The following GAB1 variants were observed in gnomAD, a reference collection of about 807,000 sequenced individuals.
GAB1 encodes GRB2 associated binding protein 1, also known as GRB2-associated-binding protein 1.
A neutral mutation model predicts 66.5 loss-of-function variants in GAB1; 19 were observed. The observed-to-expected ratio is 0.29, with a 90% CI of 0.20 to 0.42. The LOEUF (loss-of-function observed/expected upper bound fraction) is 0.42, where lower values mean the gene tolerates loss of function less well. Among genes scored for constraint, GAB1 ranks in the 10% least tolerant of loss-of-function variants. The probability of loss-of-function intolerance (pLI) is 1.00; values close to 1 mark genes in which losing one functional copy is unlikely to be tolerated. For synonymous variants in GAB1, 294 were observed against 301.4 expected, an observed-to-expected ratio of 0.98 and a Z score of 0.25; for missense variants, 732 against 858.5, an observed-to-expected ratio of 0.85 and a Z score of 1.84.
intron 2 of GAB1, chr4:143,424,762 C>A: frequency 4.3e-6 from 1 of 232,626 alleles, no homozygotes; most frequent in Non-Finnish European, 8.5e-6. Flanking sequence ...TGAGATCATC[C>A]TGGCCAACAT....
chr4:143,375,588 C>T (rs534679980), intron 1 of GAB1, among the ~76,000 whole-genome samples: 4 of 152,306 alleles, frequency 2.6e-5, no homozygotes, highest in East Asian at 1.9e-4. Flanking sequence ...TGTGAATAAA[C>T]GCTGTTGCTT....
At chr4:143,406,594 T>C (rs1030697950) in intron 1 of GAB1, among the ~76,000 whole-genome samples, 1 of 152,178 alleles carries the variant, frequency 6.6e-6, no homozygotes, top group African/African-American at 2.4e-5. Flanking sequence ...TGTGTCCCGA[T>C]TTTCCTCTGC....
intron 6 of GAB1, among the ~76,000 whole-genome samples, chr4:143,456,803 A>G (rs375338903): frequency 6.6e-6 from 1 of 152,348 alleles, no homozygotes; most frequent in African/African-American, 2.4e-5. Context: ...AAGAAAATTT[A>G]GTGCCACTAA....
intron 1 of GAB1, among the ~76,000 whole-genome samples, chr4:143,409,610 C>G (rs1300656379): frequency 6.6e-6 from 1 of 151,794 alleles, no homozygotes; most frequent in Admixed American, 6.6e-5. Flanking sequence ...ATAGACTGTT[C>G]CAATCTATTC....
intron 6 of GAB1, among the ~76,000 whole-genome samples, chr4:143,444,579 T>C (rs1734411800): frequency 6.6e-6 from 1 of 152,206 alleles, no homozygotes; most frequent in Admixed American, 6.5e-5. Flanking sequence ...GATTAAAAAT[T>C]AACATGCACT....
chr4:143,441,924 A>T (rs763602702), intron 6 of GAB1, among the ~76,000 whole-genome samples: 1 of 152,178 alleles, frequency 6.6e-6, no homozygotes, highest in African/African-American at 2.4e-5. Context: ...TGATTGGTCT[A>T]TGTGTGTCAC....
chr4:143,360,736 C>A (rs1405863289), intron 1 of GAB1, among the ~76,000 whole-genome samples: 1 of 152,048 alleles, frequency 6.6e-6, no homozygotes, highest in Admixed American at 6.6e-5. Context: ...ACTTCTGCGG[C>A]AATTTTGGTC....
intron 6 of GAB1, among the ~76,000 whole-genome samples, chr4:143,441,137 C>T (rs912199729): frequency 6.6e-6 from 1 of 151,966 alleles, no homozygotes; most frequent in African/African-American, 2.4e-5. Flanking sequence ...TCTAAGGTAA[C>T]ATAGTTTGTT....
Position 143,438,601 on chromosome 4 carries a change from G to A in GAB1, c.1195+1G>A. On this transcript the variant is annotated splice_donor_variant, in intron 4 of 9. Coordinates refer to ENST00000262994, the MANE Select transcript of GAB1 (RefSeq NM_002039.4). LOFTEE classifies it high-confidence loss of function. ...GTGGATTTAAACAAATTGCGAAAAG[G>A]TCAGCTCTAGTTGACTTCTTCTCTA... is the stretch of plus-strand genomic sequence containing the variant. 6.2e-7 allele frequency: 1 copy of A among 1,611,474 alleles called. No individual in the cohort carries two copies. The highest frequency in any genetic ancestry group is 1.3e-5 in the African/African-American group (1 of 74,954).
At chr4:143,420,613 C>T (rs192456757) in intron 2 of GAB1, among the ~76,000 whole-genome samples, 1 of 152,140 alleles carries the variant, frequency 6.6e-6, no homozygotes, top group African/African-American at 2.4e-5. Flanking sequence ...ATTTTTGTTT[C>T]TGCAACACAA....
At chr4:143,415,306 G>A (rs1253890827) in intron 1 of GAB1, among the ~76,000 whole-genome samples, 171 bp from the exon 2 acceptor site, 3 of 152,206 alleles carry the variant, frequency 2.0e-5, no homozygotes, top group South Asian at 4.2e-4. Context: ...ATGAGTAAAC[G>A]TTGCTTTTCA....
At chr4:143,381,357 T>C (rs1051051628) in intron 1 of GAB1, among the ~76,000 whole-genome samples, 5 of 152,296 alleles carry the variant, frequency 3.3e-5, no homozygotes, top group African/African-American at 1.2e-4. Context: ...ACTGTAGCCC[T>C]GGGAGTTGCT....
intron 1 of GAB1, among the ~76,000 whole-genome samples, chr4:143,379,825 C>G (rs1186774755): frequency 6.6e-6 from 1 of 151,852 alleles, no homozygotes; most frequent in Non-Finnish European, 1.5e-5. Flanking sequence ...TGGGCTCAAG[C>G]TATCCTGCCT....
chr4:143,369,996 C>T (rs1560723388), intron 1 of GAB1, among the ~76,000 whole-genome samples: 1 of 152,218 alleles, frequency 6.6e-6, no homozygotes, highest in South Asian at 2.1e-4. Flanking sequence ...ACCTAGTGTG[C>T]TCCCTCTTTG....
intron 1 of GAB1, chr4:143,382,074 A>G (rs1254464915): frequency 1.3e-5 from 2 of 152,188 alleles, no homozygotes; most frequent in African/African-American, 4.8e-5. Context: ...ATAGATTGGA[A>G]TCTTATTCAG....
At chr4:143,468,951 T>G in intron 9 of GAB1, 80 bp from the exon 10 acceptor site, 39 of 1,358,846 alleles carry the variant, frequency 2.9e-5, no homozygotes, top group Non-Finnish European at 3.6e-5. Context: ...ACAGTGGATG[T>G]GTTTTGTGTT....
chr4:143,340,830 C>T (rs1728800446), intron 1 of GAB1, among the ~76,000 whole-genome samples: 1 of 152,158 alleles, frequency 6.6e-6, no homozygotes, highest in Non-Finnish European at 1.5e-5. Context: ...AGCTTTAAAG[C>T]CATCTCATAT....
At chr4:143,463,632 A>AC (rs1307444615) in intron 8 of GAB1, among the ~76,000 whole-genome samples, 1 of 151,984 alleles carries the variant, frequency 6.6e-6, no homozygotes, top group Non-Finnish European at 1.5e-5. Context: ...CAAAAAAAAA[A>AC]AAAAAAAAAA....
Position 143,415,672 on chromosome 4 carries a change from A to G in GAB1, c.268A>G (p.Ile90Val), listed in dbSNP as rs973164796. Residue 90 changes from isoleucine (I) to valine (V), a missense_variant, in exon 2 of 10, where the codon ATT becomes GTT. By Grantham distance (29) the Ile-to-Val change is conservative. Transcript: ENST00000262994. ...CAGCTACATTTTTGATATCAACACT[A>G]TTGACCGGATTTTCTACTTGGTAGC... ...ENSYIFDINT[I>V]DRIFYLVADS... is the part of the protein sequence containing the mutation. 2 of 1,614,014 alleles carry G rather than the reference A, an allele frequency of 1.2e-6. No individual in the cohort carries two copies. Among genetic ancestry groups the G allele is most frequent in the African/African-American group, 1.3e-5 (1 of 75,074 alleles).
Sources: gnomAD v4.1 joint callset for allele counts (sites outside exome capture counted in the v4.1 genomes callset) on GRCh38, gnomAD v4.1.1 for gene constraint, MANE v1.5 for transcripts, NCBI Gene and HGNC (gene_info 2026-07-23, HGNC 2026-07-21) for gene names.